The following CLIC5 variants were observed in gnomAD, a reference collection of about 807,000 sequenced individuals.
The protein encoded by CLIC5 is chloride intracellular channel protein 5.
CLIC5 carries 20 observed loss-of-function variants against 24.7 expected under a neutral mutation model. That is an observed-to-expected ratio of 0.81 (90% confidence interval 0.57 to 1.18). The LOEUF (loss-of-function observed/expected upper bound fraction) is 1.18, where lower values mean the gene tolerates loss of function less well. Ranked by LOEUF, CLIC5 falls within the 50% of genes most tolerant of loss-of-function variation. The pLI, the probability that CLIC5 is intolerant of heterozygous loss-of-function variation, is 0.00. For synonymous variants in CLIC5, 159 were observed against 135.6 expected (o/e 1.17, Z -1.20); for missense variants, 341 against 326.1 (o/e 1.05, Z -0.35).
chr6:45,917,271 G>A (rs182314023), intron 4 of CLIC5, among the ~76,000 whole-genome samples: 1 of 152,156 alleles, frequency 6.6e-6, no homozygotes, highest in African/African-American at 2.4e-5. Flanking sequence ...CACTGCTGGG[G>A]TTAACTCAGA....
In CLIC5 at chr6:46,015,547, T is replaced by C. The variant is rs1213204902; in HGVS notation, c.-5A>G. 2 of 1,570,352 alleles carry C rather than the reference T, an allele frequency of 1.3e-6. No homozygotes were observed. The highest frequency in any genetic ancestry group is 1.2e-5 in the South Asian group (1 of 85,052). On this transcript the variant is annotated 5_prime_UTR_variant, in exon 1 of 6. Transcript: ENST00000339561. Reference sequence around the variant, plus strand: ...AGCTGTCGCCGAGTCTGTCATGCCGTTGGCGCCCGGGGCTACCGTCCCGGG... The same window carrying C: ...AGCTGTCGCCGAGTCTGTCATGCCGCTGGCGCCCGGGGCTACCGTCCCGGG...
the CLIC5 span, among the ~76,000 whole-genome samples, chr6:46,115,566 T>G: frequency 2.6e-5 from 4 of 152,206 alleles, no homozygotes; most frequent in African/African-American, 9.7e-5. Flanking sequence ...TGTTTGTATG[T>G]TTTTACCTTC....
chr6:46,005,412 C>T lies in CLIC5; in HGVS notation c.63+10068G>A, dbSNP rs564460261. ...ACCAAAGCCTGTGGGTAACCAGAGA[C>T]GTGCTGCAAAGGCCTCCCACGCCAA... is the stretch of plus-strand genomic sequence containing the variant. On this transcript the variant is annotated intron_variant, in intron 1 of 5. Coordinates refer to ENST00000339561, the MANE Select transcript of CLIC5 (RefSeq NM_016929.5). Among the ~76,000 whole-genome samples, 8 of 152,290 alleles carry T rather than the reference C, an allele frequency of 5.3e-5. No individual in the cohort carries two copies. The East Asian group carries it at 5.8e-4, about 11-fold the overall frequency.
chr6:45,990,809 C>A (rs932623584), intron 1 of CLIC5, among the ~76,000 whole-genome samples: 3 of 152,194 alleles, frequency 2.0e-5, no homozygotes, highest in Non-Finnish European at 4.4e-5. Context: ...CCTTAAGTGG[C>A]ACACAGGTTG....
In CLIC5 at chr6:46,069,965, C is replaced by CA. The variant is rs371842960; in HGVS notation, c.540+9737dup. Among the ~76,000 whole-genome samples, 863 of 152,022 alleles carry CA rather than the reference C, an allele frequency of 5.7e-3. 6 individuals are homozygous for CA. The highest frequency in any genetic ancestry group is 0.018 in the African/African-American group (745 of 41,486). On this transcript the variant is annotated intron_variant, in intron 1 of 5. Transcript: ENST00000185206. ...CTCATCACATACACAGAACTAAAGA[C>CA]AAAAAAACGTGATTAACTCAATAGA...
chr6:46,049,768 A>G (rs1768053111), intron 1 of CLIC5, among the ~76,000 whole-genome samples: 3 of 152,250 alleles, frequency 2.0e-5, no homozygotes. Flanking sequence ...TTGACAGGCT[A>G]TGTAAATAGC....
chr6:45,997,458 A>C (rs1478540482), intron 1 of CLIC5, among the ~76,000 whole-genome samples: 2 of 151,184 alleles, frequency 1.3e-5, no homozygotes, highest in Non-Finnish European at 2.9e-5. Context: ...TACATATGTA[A>C]CTAACCTACA....
intron 1 of CLIC5, among the ~76,000 whole-genome samples, chr6:46,022,015 C>T (rs1767198420): frequency 6.6e-6 from 1 of 152,234 alleles, no homozygotes; most frequent in East Asian, 1.9e-4. Context: ...ACAGTCTTTG[C>T]TTCAAATCTG....
intron 4 of CLIC5, among the ~76,000 whole-genome samples, chr6:45,929,755 C>G (rs1763654392): frequency 6.6e-6 from 1 of 152,222 alleles, no homozygotes; most frequent in Non-Finnish European, 1.5e-5. Flanking sequence ...ACCCAACTGT[C>G]CTCCAAAAGA....
At chr6:45,958,572 T>A (rs1426746358) in intron 1 of CLIC5, among the ~76,000 whole-genome samples, 1 of 150,514 alleles carries the variant, frequency 6.6e-6, no homozygotes, top group Non-Finnish European at 1.5e-5. Flanking sequence ...AGATACAGTG[T>A]ATATAACAAC....
chr6:46,049,972 A>AT (rs926586445), intron 1 of CLIC5, among the ~76,000 whole-genome samples: 3 of 152,112 alleles, frequency 2.0e-5, no homozygotes, highest in Admixed American at 1.3e-4. Flanking sequence ...TTCTTTAGCC[A>AT]TTTTTTTGTG....
the CLIC5 span, among the ~76,000 whole-genome samples, chr6:46,095,465 G>A: frequency 1.1e-4 from 17 of 152,174 alleles, no homozygotes; most frequent in Non-Finnish European, 2.2e-4. Context: ...GAAGCAGCCA[G>A]GTCACATCTT....
At chr6:46,074,143 T>C (rs1380398408) in intron 1 of CLIC5, among the ~76,000 whole-genome samples, 3 of 152,186 alleles carry the variant, frequency 2.0e-5, no homozygotes, top group Admixed American at 6.5e-5. Flanking sequence ...AATATATGTA[T>C]ATTTACTCAC....
At chr6:46,091,504 G>A in the CLIC5 span, among the ~76,000 whole-genome samples, 787 of 152,234 alleles carry the variant, frequency 5.2e-3, 11 homozygotes, top group African/African-American at 0.018. Context: ...GGGAGTCTAA[G>A]GCAGGAGGAT....
chr6:46,060,681 C>T (rs1471925669), intron 1 of CLIC5, among the ~76,000 whole-genome samples: 1 of 152,148 alleles, frequency 6.6e-6, no homozygotes, highest in East Asian at 1.9e-4. Flanking sequence ...ATTGCTGAGG[C>T]CTGGAATCTC....
intron 1 of CLIC5, among the ~76,000 whole-genome samples, chr6:46,060,593 C>T (rs1435395634): frequency 1.9e-4 from 29 of 152,268 alleles, no homozygotes; most frequent in South Asian, 4.1e-4. Context: ...CCCACACGCT[C>T]TTGCTTGAGA....
intron 4 of CLIC5, among the ~76,000 whole-genome samples, chr6:45,932,400 C>T (rs563659049): frequency 1.1e-4 from 17 of 152,346 alleles, no homozygotes; most frequent in Middle Eastern, 3.4e-3. Context: ...AGCCACCATG[C>T]CCGGCCTAAT....
At chr6:45,935,939 C>G (rs1763914712) in intron 4 of CLIC5, among the ~76,000 whole-genome samples, 1 of 152,164 alleles carries the variant, frequency 6.6e-6, no homozygotes, top group Non-Finnish European at 1.5e-5. Flanking sequence ...TTTAAAACAA[C>G]AACAACAACA....
rs906648626 is a variant in CLIC5, at chr6:45,902,290, A to G, written c.*798T>C. 1 of 152,780 alleles carries G rather than the reference A, an allele frequency of 6.5e-6. No homozygotes were observed. Among genetic ancestry groups the G allele is most frequent in the Non-Finnish European group, 1.5e-5 (1 of 68,150 alleles). 9.5% of individuals were successfully genotyped at this position (152,780 alleles called of 1,614,324 possible). A position where few individuals can be genotyped will look rare whatever the true frequency, so the allele number is the denominator to read the frequency against. On this transcript the variant is annotated 3_prime_UTR_variant, in exon 6 of 6. Coordinates refer to ENST00000339561, the MANE Select transcript of CLIC5 (RefSeq NM_016929.5). ...CTGAAACAACTACTCCTAAGCAAGC[A>G]AACCCCATGGCTGGTAGACCCCGTG...
Sources: allele counts gnomAD v4.1 joint callset (sites outside exome capture counted in the v4.1 genomes callset), GRCh38; gene constraint gnomAD v4.1.1; transcripts MANE v1.5; gene names NCBI Gene and HGNC (gene_info 2026-07-23, HGNC 2026-07-21).